EXOC5: variants seen among roughly 807,000 people sequenced by gnomAD.
EXOC5 encodes exocyst complex component 5.
In EXOC5, 17 loss-of-function variants were observed where a neutral mutation model predicts 90.8. The ratio of observed to expected loss-of-function variants is 0.19; its 90% CI spans 0.13 to 0.28. The LOEUF (loss-of-function observed/expected upper bound fraction) is 0.28, where lower values mean the gene tolerates loss of function less well. Among genes scored for constraint, EXOC5 ranks in the 10% least tolerant of loss-of-function variants. EXOC5 has a pLI of 1.00. For synonymous variants in EXOC5, 260 were observed against 270.0 expected (o/e 0.96, Z 0.36); for missense variants, 569 against 830.6 (o/e 0.69, Z 3.87).
chr14:57,225,846 C>T (rs970349569), intron 12 of EXOC5, among the ~76,000 whole-genome samples: 11 of 152,120 alleles, frequency 7.2e-5, no homozygotes, highest in African/African-American at 2.7e-4. Flanking sequence ...TGGTTCTGTC[C>T]GGAAAGGCGG....
intron 1 of EXOC5, among the ~76,000 whole-genome samples, chr14:57,264,601 T>C (rs1305602137): frequency 6.6e-6 from 1 of 152,210 alleles, no homozygotes; most frequent in African/African-American, 2.4e-5. Flanking sequence ...ATGTGTGCTA[T>C]ATATACTCCA....
chr14:57,238,375 T>TATATATACAC (rs1239623225), intron 5 of EXOC5, among the ~76,000 whole-genome samples: 133 of 74,890 alleles, frequency 1.8e-3, no homozygotes, highest in South Asian at 0.014. Flanking sequence ...TATATATATA[T>TATATATACAC]ACACACACAC....
At chr14:57,250,760 G>A (rs373859444) in intron 1 of EXOC5, among the ~76,000 whole-genome samples, 24 of 152,228 alleles carry the variant, frequency 1.6e-4, no homozygotes, top group East Asian at 1.2e-3. Flanking sequence ...AGGAAGCCCA[G>A]GTAAAAATCC....
intron 4 of EXOC5, among the ~76,000 whole-genome samples, chr14:57,243,090 C>G (rs1164569037): frequency 3.3e-5 from 5 of 152,070 alleles, no homozygotes; most frequent in Non-Finnish European, 5.9e-5. Flanking sequence ...ACTTTGGGGG[C>G]TCTAAAGGCG....
rs1882512629 is a variant in EXOC5, at chr14:57,201,610, T to TA, written c.*6998dup. On this transcript the variant is annotated 3_prime_UTR_variant, in exon 18 of 18. Coordinates refer to ENST00000621441, the MANE Select transcript of EXOC5 (RefSeq NM_006544.4). ...TATATATATATAAAGGATGGCTGGTTAAGGTGGCTCACACCTGTAATCCCA... is the reference window on the plus strand; with the variant it reads ...TATATATATATAAAGGATGGCTGGTTAAAGGTGGCTCACACCTGTAATCCCA... The TA allele has an allele frequency of 1.4e-5, 2 of 146,668 alleles. No individual in the cohort carries two copies. The highest frequency in any genetic ancestry group is 5.0e-5 in the African/African-American group (2 of 40,174). 9.1% of individuals were successfully genotyped at this position (146,668 alleles called of 1,614,324 possible).
At chr14:57,208,919 T>C (rs187526137) in intron 17 of EXOC5, 122 bp from the exon 18 acceptor site, 230 of 575,394 alleles carry the variant, frequency 4.0e-4, no homozygotes, top group Admixed American at 1.0e-3. Context: ...TTCAACATAT[T>C]AGAATTTTTT....
In EXOC5 at chr14:57,268,662, G is replaced by C; in HGVS notation, c.-14C>G. 1 of 1,585,120 alleles carries C rather than the reference G, an allele frequency of 6.3e-7. No homozygotes were observed. Among genetic ancestry groups the C allele is most frequent in the Non-Finnish European group, 8.5e-7 (1 of 1,173,336 alleles). Reference sequence around the variant, plus strand: ...CGTGGTAGCCATCCCGGCCGGCTGAGAGGCTCGCCCCCCACTGGATGCCGT... The same window carrying C: ...CGTGGTAGCCATCCCGGCCGGCTGACAGGCTCGCCCCCCACTGGATGCCGT... On this transcript the variant is annotated 5_prime_UTR_variant, in exon 1 of 18. Coordinates refer to ENST00000621441, the MANE Select transcript of EXOC5 (RefSeq NM_006544.4).
At chr14:57,213,266 T>C (rs1023942300) in intron 15 of EXOC5, among the ~76,000 whole-genome samples, 1 of 152,118 alleles carries the variant, frequency 6.6e-6, no homozygotes, top group Admixed American at 6.5e-5. Flanking sequence ...GCTGTGGTCC[T>C]AGCTACTCAA....
Position 57,231,714 on chromosome 14 carries a change from T to C in EXOC5, c.940A>G (p.Thr314Ala), listed in dbSNP as rs759990875. ...LKNLYDLYTRTTNLSSKLMEF... is the reference protein window; with the variant it reads ...LKNLYDLYTRATNLSSKLMEF... ...ATCAGCTTGCTGGAAAGATTGGTGG[T>C]TCTTTTCATGAAAAAGGGGGAGAAA... The change falls in exon 11 of 18, where the codon ACC (threonine) becomes GCC (alanine). Residue 314 changes from threonine (T) to alanine (A), a missense_variant and splice_region_variant. By Grantham distance (58) the Thr-to-Ala change is moderately conservative (BLOSUM62 0). This residue lies in a region of EXOC5 where 114 missense variants were observed against 111.2 expected (regional missense o/e 1.03). Coordinates refer to ENST00000621441, the MANE Select transcript of EXOC5 (RefSeq NM_006544.4). The C allele has an allele frequency of 4.5e-5, 72 of 1,590,320 alleles. No homozygotes were observed. The highest frequency in any genetic ancestry group is 5.9e-5 in the Non-Finnish European group (69 of 1,168,350).
intron 12 of EXOC5, among the ~76,000 whole-genome samples, 169 bp downstream of exon 12, chr14:57,229,565 T>G (rs1883414222): frequency 6.6e-6 from 1 of 152,194 alleles, no homozygotes; most frequent in Non-Finnish European, 1.5e-5. Flanking sequence ...ATCTACAGAC[T>G]AATTAAAGTA....
Position 57,208,159 on chromosome 14 carries a change from A to AAAG in EXOC5, c.*447_*449dup, listed in dbSNP as rs1206516129. On this transcript the variant is annotated 3_prime_UTR_variant, in exon 18 of 18. Transcript: ENST00000621441. ...TAATCTGATTAACAATTGATGCTGAAAAGGTCATTAAAAACTGAGGAATAA... is the reference window on the plus strand; with the variant it reads ...TAATCTGATTAACAATTGATGCTGAAAAGAAGGTCATTAAAAACTGAGGAATAA... 6.5e-6 allele frequency: 1 copy of AAAG among 153,694 alleles called. No individual in the cohort carries two copies. Among genetic ancestry groups the AAAG allele is most frequent in the Non-Finnish European group, 1.5e-5 (1 of 68,844 alleles). 9.5% of individuals were successfully genotyped at this position (153,694 alleles called of 1,614,324 possible). A position where few individuals can be genotyped will look rare whatever the true frequency, so the allele number is the denominator to read the frequency against.
At chr14:57,249,749 G>GGAT (rs537304902) in intron 1 of EXOC5, among the ~76,000 whole-genome samples, 20 of 151,792 alleles carry the variant, frequency 1.3e-4, no homozygotes, top group South Asian at 1.3e-3. Context: ...GATAAGAGTG[G>GGAT]GATGATGATG....
At position 57,210,060 on chromosome 14, in the gene EXOC5, T is replaced by A; in HGVS notation, c.1615A>T (p.Thr539Ser). Residue 539 changes from threonine (T) to serine (S), a missense_variant and splice_region_variant, in exon 16 of 18, where the codon ACA becomes TCA. Physicochemically the swap from Thr to Ser is moderately conservative, Grantham distance 58. Around this residue, in one of 9 missense-constraint regions of EXOC5, gnomAD observed 34 missense variants for 101.1 expected, o/e 0.34. Transcript: ENST00000621441. ...ATCTGTCCAATCATACAATTTAATG[T>A]CCTAGAGAATTGAGAATACAACATT... ...EMKLDTGIDR[T>S]LNCMIGQMKH... is the part of the protein sequence containing the mutation. 1 of 1,484,678 alleles carries A rather than the reference T, an allele frequency of 6.7e-7. No homozygotes were observed. Among genetic ancestry groups the A allele is most frequent in the East Asian group, 2.3e-5 (1 of 44,018 alleles). The allele number at this position is 1,484,678 out of a possible 1,614,324, so 92.0% of individuals were successfully genotyped here.
chr14:57,253,087 A>G (rs1405037001), intron 1 of EXOC5, among the ~76,000 whole-genome samples: 8 of 152,144 alleles, frequency 5.3e-5, no homozygotes, highest in Non-Finnish European at 8.8e-5. Context: ...TAAAAATTTG[A>G]TCTCATAGAA....
chr14:57,253,973 A>C (rs1357723120), intron 1 of EXOC5, among the ~76,000 whole-genome samples: 1 of 152,220 alleles, frequency 6.6e-6, no homozygotes, highest in East Asian at 1.9e-4. Flanking sequence ...AAGCACAGGC[A>C]ACAAAAGAAA....
chr14:57,224,718 C>T (rs1361194283), intron 12 of EXOC5, among the ~76,000 whole-genome samples: 1 of 152,114 alleles, frequency 6.6e-6, no homozygotes, highest in East Asian at 1.9e-4. Context: ...TTTCCCAACA[C>T]ATCCTATGAG....
chr14:57,216,532 A>C (rs1882980405), intron 15 of EXOC5, among the ~76,000 whole-genome samples: 1 of 152,110 alleles, frequency 6.6e-6, no homozygotes, highest in African/African-American at 2.4e-5. Flanking sequence ...AAGAACACAC[A>C]ATAGGGAAAG....
rs761362706 is a variant in EXOC5, at chr14:57,233,970, A to C, written c.714+18T>G. The C allele has an allele frequency of 6.3e-7, 1 of 1,596,744 alleles. No individual in the cohort carries two copies. Among genetic ancestry groups the C allele is most frequent in the African/African-American group, 1.3e-5 (1 of 74,732 alleles). ...ATTAGCATAAAATAATATCCAACAAAGTGTACTGTTATGTTACCTCCTGGC... is the reference window on the plus strand; with the variant it reads ...ATTAGCATAAAATAATATCCAACAACGTGTACTGTTATGTTACCTCCTGGC... On this transcript the variant is annotated intron_variant, in intron 8 of 17. Coordinates refer to ENST00000621441, the MANE Select transcript of EXOC5 (RefSeq NM_006544.4).
chr14:57,237,592 G>A (rs1480216620), intron 5 of EXOC5: 4 of 418,948 alleles, frequency 9.5e-6, no homozygotes, highest in African/African-American at 8.4e-5. Flanking sequence ...CATGCCAGGT[G>A]ATAAAACTTA....
Sources: allele counts gnomAD v4.1 joint callset (sites outside exome capture counted in the v4.1 genomes callset), GRCh38; gene constraint gnomAD v4.1.1; regional missense constraint gnomAD v4.1.1; transcripts MANE v1.5; gene names NCBI Gene and HGNC (gene_info 2026-07-23, HGNC 2026-07-21).